The following DMD variants were observed in gnomAD, a reference collection of about 807,000 sequenced individuals.
DMD encodes the protein mutant dystrophin.
In DMD, 63 loss-of-function variants were observed where a neutral mutation model predicts 330.1. The observed-to-expected ratio is 0.19, with a 90% CI of 0.16 to 0.24. DMD has a LOEUF of 0.24. DMD is among the 10% of genes least tolerant of loss of function. The pLI is 1.00. For synonymous variants in DMD, 1,223 were observed against 959.8 expected, an observed-to-expected ratio of 1.27 and a Z score of -5.07; for missense variants, 3,344 against 2,684.1, an observed-to-expected ratio of 1.25 and a Z score of -5.43.
chrX:31,261,059 A>G, intron 62 of DMD, 43 bp from the exon 63 acceptor site: 1 of 1,098,777 alleles, frequency 9.1e-7, no homozygotes, highest in Non-Finnish European at 1.3e-6. Context: ...ATTTACAATG[A>G]GTAGTCAAGA....
intron 63 of DMD, among the ~76,000 whole-genome samples, chrX:31,254,960 A>G (rs1444370394): frequency 9.4e-6 from 1 of 106,354 alleles, no homozygotes; most frequent in Non-Finnish European, 1.9e-5. Context: ...TGGGAGGGTC[A>G]CTTGAGCCTG....
chrX:31,453,036 C>A (rs937271413), intron 59 of DMD, among the ~76,000 whole-genome samples: 2 of 111,885 alleles, frequency 1.8e-5, no homozygotes, highest in African/African-American at 6.5e-5. Flanking sequence ...GAGCAAGTAA[C>A]CTGAATAGAC....
chrX:32,369,415 G>A (rs1218463935), intron 34 of DMD, among the ~76,000 whole-genome samples: 6 of 111,270 alleles, frequency 5.4e-5, no homozygotes, highest in Non-Finnish European at 1.1e-4. Context: ...AGGCATGTTC[G>A]GTTCAGGGTT....
intron 1 of DMD, among the ~76,000 whole-genome samples, chrX:33,308,141 A>G (rs1451996483): frequency 8.9e-6 from 1 of 112,233 alleles, no homozygotes; most frequent in Non-Finnish European, 1.9e-5. Flanking sequence ...TACTTATGAC[A>G]TTGAATTGAA....
At chrX:31,907,632 A>G (rs1300420323) in intron 47 of DMD, among the ~76,000 whole-genome samples, 1 of 112,292 alleles carries the variant, frequency 8.9e-6, no homozygotes, top group Non-Finnish European at 1.9e-5. Flanking sequence ...AAACCTAGGC[A>G]ATACCATTCA....
rs568825537 is a variant in DMD at position 32,623,528 on chromosome X, ATT to A, written c.1332-9077_1332-9076del. 3.8e-4 allele frequency among the ~76,000 whole-genome samples: 35 copies of A among 92,103 alleles called. 1 individual carries two copies. The highest frequency in any genetic ancestry group is 6.7e-4 in the African/African-American group (17 of 25,516). 80.0% of individuals were successfully genotyped at this position (92,103 alleles called of 115,157 possible). Reference sequence around the variant, plus strand: ...CAAGGTAAAGATTTATAATACTAGTATTTTTTTTTTTTTTTTTGAGACAGGGT... The same window carrying A: ...CAAGGTAAAGATTTATAATACTAGTATTTTTTTTTTTTTTTGAGACAGGGT... On this transcript the variant is annotated intron_variant, in intron 11 of 78. Transcript: ENST00000357033.
At chrX:31,758,514 A>T (rs2089313963) in intron 51 of DMD, among the ~76,000 whole-genome samples, 1 of 111,309 alleles carries the variant, frequency 9.0e-6, no homozygotes, top group Non-Finnish European at 1.9e-5. Flanking sequence ...CTTAGAAAAC[A>T]ATTACAGTGA....
rs1250686654 is a variant in DMD at position 32,852,788 on chromosome X, T to C, written c.94-2968A>G. Among the ~76,000 whole-genome samples the C allele has an allele frequency of 2.7e-5, 3 of 111,010 alleles. No individual in the cohort carries two copies. The Admixed American group carries it at 2.9e-4, about 11-fold the overall frequency. On this transcript the variant is annotated intron_variant, in intron 2 of 78. Transcript: ENST00000357033. ...CATGAGCCTGAGGCAGTGGTAGCCATGGGGAAAAATTCCTCTGCTTATGAA... is the reference window on the plus strand; with the variant it reads ...CATGAGCCTGAGGCAGTGGTAGCCACGGGGAAAAATTCCTCTGCTTATGAA...
intron 21 of DMD, among the ~76,000 whole-genome samples, chrX:32,480,215 TA>T (rs760003694): frequency 8.9e-6 from 1 of 112,045 alleles, no homozygotes; most frequent in African/African-American, 3.2e-5. Flanking sequence ...TGTGTCACCT[TA>T]CACATGTTAA....
chrX:31,201,191 A>ACACG (rs1556209326), intron 67 of DMD, among the ~76,000 whole-genome samples: 2 of 93,764 alleles, frequency 2.1e-5, no homozygotes, highest in Admixed American at 1.1e-4. Flanking sequence ...ACACACACAC[A>ACACG]CACACACGCA....
intron 44 of DMD, among the ~76,000 whole-genome samples, chrX:31,980,487 T>C (rs2095469273): frequency 8.9e-6 from 1 of 111,971 alleles, no homozygotes; most frequent in Non-Finnish European, 1.9e-5. Context: ...TCTATGGTGA[T>C]ATAAATCAGA....
chrX:32,965,398 G>A (rs1175408278), intron 2 of DMD, among the ~76,000 whole-genome samples: 1 of 108,277 alleles, frequency 9.2e-6, no homozygotes, highest in Non-Finnish European at 1.9e-5. Flanking sequence ...GGAGGCTGAG[G>A]CAGGAGAATC....
intron 26 of DMD, among the ~76,000 whole-genome samples, chrX:32,448,892 ATGGAT>A (rs1271974735): frequency 9.0e-6 from 1 of 111,055 alleles, no homozygotes; most frequent in Non-Finnish European, 1.9e-5. Context: ...GCATGGAGGT[ATGGAT>A]TTGTGGTCAA....
chrX:32,413,381 C>A (rs1294329032), intron 29 of DMD, among the ~76,000 whole-genome samples: 1 of 111,616 alleles, frequency 9.0e-6, no homozygotes, highest in Admixed American at 9.6e-5. Flanking sequence ...AATAATGATT[C>A]CCTTTATTAG....
intron 21 of DMD, among the ~76,000 whole-genome samples, chrX:32,478,007 A>G (rs949916701): frequency 6.2e-5 from 7 of 112,089 alleles, no homozygotes; most frequent in African/African-American, 2.3e-4. Context: ...ATATTTTCAA[A>G]TGACTTTTAC....
rs916541274 is a variant in DMD, at chrX:31,813,337, T to C, written c.7309+6638A>G. On this transcript the variant is annotated intron_variant, in intron 50 of 78. Transcript: ENST00000357033. ...GCTGTGTTCTCACCCAAATCTCATC[T>C]TGAATTGTAACTCCAATAATCCCCA... Among the ~76,000 whole-genome samples the C allele has an allele frequency of 1.1e-4, 12 of 112,084 alleles. No individual in the cohort carries two copies. The Admixed American group carries it at 1.1e-3, about 11-fold the overall frequency.
chrX:31,385,676 G>A (rs1011197442), intron 60 of DMD, among the ~76,000 whole-genome samples: 6 of 112,230 alleles, frequency 5.3e-5, no homozygotes, highest in African/African-American at 1.9e-4. Context: ...AAACCACAAT[G>A]AGGTACCATC....
At chrX:31,293,967 GCAA>G (rs1193837915) in intron 62 of DMD, among the ~76,000 whole-genome samples, 1 of 111,343 alleles carries the variant, frequency 9.0e-6, no homozygotes, top group Admixed American at 9.6e-5. Flanking sequence ...GTCAGCCTGG[GCAA>G]CATGGTGAGA....
chrX:32,435,522 C>A (rs182242398), intron 29 of DMD, among the ~76,000 whole-genome samples: 288 of 109,709 alleles, frequency 2.6e-3, no homozygotes, highest in South Asian at 5.2e-3. Flanking sequence ...AAAACTGTTA[C>A]TCAAAATCAC....
Sources: gnomAD v4.1 joint callset for allele counts (sites outside exome capture counted in the v4.1 genomes callset) on GRCh38, gnomAD v4.1.1 for gene constraint, MANE v1.5 for transcripts, NCBI Gene and HGNC (gene_info 2026-07-23, HGNC 2026-07-21) for gene names.